SGMS1: variants seen among roughly 807,000 people sequenced by gnomAD.
The protein encoded by SGMS1 is phosphatidylcholine:ceramide cholinephosphotransferase 1.
A neutral mutation model predicts 46.2 loss-of-function variants in SGMS1; 13 were observed. The ratio of observed to expected loss-of-function variants is 0.28; its 90% confidence interval spans 0.18 to 0.45. SGMS1 has a LOEUF of 0.45. SGMS1 is among the 20% of genes least tolerant of loss of function. SGMS1 has a pLI of 1.00. For missense variants in SGMS1, 324 were observed against 519.9 expected (o/e 0.62, Z 3.66); for synonymous variants, 203 against 187.8 (o/e 1.08, Z -0.66).
chr10:50,498,771 C>T (rs567348111), intron 3 of SGMS1, among the ~76,000 whole-genome samples: 3 of 152,206 alleles, frequency 2.0e-5, no homozygotes, highest in Non-Finnish European at 2.9e-5. Context: ...TGCTATAAAC[C>T]GGGGTGTACA....
At position 50,607,665 on chromosome 10, in the gene SGMS1, G is replaced by A. The variant is rs1349811776; in HGVS notation, c.-684+16042C>T. Among the ~76,000 whole-genome samples the A allele has an allele frequency of 4.6e-5, 7 of 152,162 alleles. No homozygotes were observed. The East Asian group carries it at 1.3e-3, about 29-fold the overall frequency. On this transcript the variant is annotated intron_variant, in intron 1 of 10. Coordinates refer to ENST00000361781, the MANE Select transcript of SGMS1 (RefSeq NM_147156.4). ...GAGTACAAAAATATCAGGGAAAAAT[G>A]TGTAGAAGGACAACAATTTCACTTC...
intron 8 of SGMS1, among the ~76,000 whole-genome samples, chr10:50,324,255 AGTGG>A (rs1847495070): frequency 1.3e-5 from 2 of 152,216 alleles, no homozygotes; most frequent in South Asian, 4.1e-4. Flanking sequence ...AATGCTAGTA[AGTGG>A]TTGTGTAAGA....
At chr10:50,568,600 G>C (rs991452972) in intron 2 of SGMS1, among the ~76,000 whole-genome samples, 1 of 152,184 alleles carries the variant, frequency 6.6e-6, no homozygotes, top group Non-Finnish European at 1.5e-5. Context: ...AGCTACTCAG[G>C]AGGCTGAGGC....
chr10:50,351,788 T>C (rs1848022791), intron 6 of SGMS1, among the ~76,000 whole-genome samples: 2 of 152,230 alleles, frequency 1.3e-5, no homozygotes, highest in South Asian at 2.1e-4. Flanking sequence ...GGTGTCTTTA[T>C]TAGTAGTGTG....
intron 8 of SGMS1, among the ~76,000 whole-genome samples, chr10:50,318,954 T>G (rs1847394307): frequency 6.6e-6 from 1 of 152,178 alleles, no homozygotes; most frequent in South Asian, 2.1e-4. Flanking sequence ...TAAATTTTGT[T>G]GTAGTCTCTA....
intron 6 of SGMS1, among the ~76,000 whole-genome samples, chr10:50,368,215 T>G (rs937879399): frequency 3.3e-5 from 5 of 152,188 alleles, no homozygotes; most frequent in Admixed American, 2.0e-4. Flanking sequence ...TAAGCTATCT[T>G]GCAGTCATAC....
chr10:50,309,761 T>G (rs140072486), intron 9 of SGMS1, among the ~76,000 whole-genome samples: 2 of 152,342 alleles, frequency 1.3e-5, no homozygotes, highest in East Asian at 3.9e-4. Flanking sequence ...CTTCCCTTCC[T>G]GTATTTCCTT....
intron 6 of SGMS1, among the ~76,000 whole-genome samples, chr10:50,419,801 A>T (rs1849230986): frequency 6.6e-6 from 1 of 152,204 alleles, no homozygotes; most frequent in Non-Finnish European, 1.5e-5. Context: ...CTCCTGAGCA[A>T]AGATCTCTTT....
intron 2 of SGMS1, among the ~76,000 whole-genome samples, chr10:50,523,157 G>A (rs986982453): frequency 7.9e-5 from 12 of 152,154 alleles, no homozygotes; most frequent in Non-Finnish European, 1.5e-4. Context: ...CTCATAGATA[G>A]TAGTCCTTTT....
chr10:50,498,077 C>A (rs1837630505), intron 3 of SGMS1, among the ~76,000 whole-genome samples: 1 of 152,136 alleles, frequency 6.6e-6, no homozygotes, highest in Non-Finnish European at 1.5e-5. Flanking sequence ...TTTTAAAAGA[C>A]AAGATGAAGA....
At chr10:50,579,351 G>C (rs969006490) in intron 2 of SGMS1, among the ~76,000 whole-genome samples, 3 of 151,840 alleles carry the variant, frequency 2.0e-5, no homozygotes, top group Non-Finnish European at 4.4e-5. Context: ...GAAAACAGAG[G>C]GGGGAATTCA....
intron 6 of SGMS1, among the ~76,000 whole-genome samples, chr10:50,406,508 A>C (rs939709887): frequency 6.6e-6 from 1 of 152,124 alleles, no homozygotes; most frequent in Admixed American, 6.5e-5. Flanking sequence ...CATGCAGTGA[A>C]TCAAGGACGT....
At chr10:50,398,147 C>T (rs539877915) in intron 6 of SGMS1, among the ~76,000 whole-genome samples, 5 of 152,254 alleles carry the variant, frequency 3.3e-5, no homozygotes, top group South Asian at 4.1e-4. Flanking sequence ...TTTTTCCACT[C>T]TCTCGGAGCT....
At chr10:50,410,779 G>GC (rs1849085410) in intron 6 of SGMS1, among the ~76,000 whole-genome samples, 2 of 152,156 alleles carry the variant, frequency 1.3e-5, no homozygotes, top group Admixed American at 6.5e-5. Context: ...TGGTAATGCC[G>GC]CCCTAGGGGT....
At chr10:50,562,857 T>G (rs1423270993) in intron 2 of SGMS1, among the ~76,000 whole-genome samples, 1 of 152,158 alleles carries the variant, frequency 6.6e-6, no homozygotes, top group African/African-American at 2.4e-5. Flanking sequence ...TCCATACTCT[T>G]TAGGAACTAG....
intron 6 of SGMS1, among the ~76,000 whole-genome samples, chr10:50,398,963 A>G (rs1848890534): frequency 6.6e-6 from 1 of 152,132 alleles, no homozygotes; most frequent in Non-Finnish European, 1.5e-5. Context: ...CCAGGACCGG[A>G]AACACTTTAG....
At chr10:50,561,869 C>A (rs1838239512) in intron 2 of SGMS1, among the ~76,000 whole-genome samples, 1 of 152,124 alleles carries the variant, frequency 6.6e-6, no homozygotes. Flanking sequence ...GTGGACCTCT[C>A]CCCACAGAGG....
intron 6 of SGMS1, among the ~76,000 whole-genome samples, chr10:50,351,128 G>A (rs1390919715): frequency 2.0e-5 from 3 of 152,232 alleles, no homozygotes; most frequent in Non-Finnish European, 2.9e-5. Flanking sequence ...GAGACCTGGA[G>A]TCAAAGGAGA....
intron 7 of SGMS1, among the ~76,000 whole-genome samples, chr10:50,328,990 T>C (rs1847572720): frequency 6.6e-6 from 1 of 152,186 alleles, no homozygotes; most frequent in African/African-American, 2.4e-5. Context: ...ACAGAAATTA[T>C]TTGCAATTTC....
Sources: allele counts gnomAD v4.1 joint callset (sites outside exome capture counted in the v4.1 genomes callset), GRCh38; gene constraint gnomAD v4.1.1; transcripts MANE v1.5; gene names NCBI Gene and HGNC (gene_info 2026-07-23, HGNC 2026-07-21).